LNPK: variants seen among roughly 807,000 people sequenced by gnomAD.
The protein encoded by LNPK is lunapark, ER junction formation factor, also known as endoplasmic reticulum junction formation protein lunapark.
In LNPK, 29 loss-of-function variants were observed where a neutral mutation model predicts 55.2. The ratio of observed to expected loss-of-function variants is 0.53; its 90% CI spans 0.39 to 0.72. The LOEUF (loss-of-function observed/expected upper bound fraction) is 0.72, where lower values mean the gene tolerates loss of function less well. LNPK is among the 30% of genes least tolerant of loss of function. The probability of loss-of-function intolerance (pLI) is 0.00; values close to 1 mark genes in which losing one functional copy is unlikely to be tolerated. For missense variants in LNPK, 467 were observed against 494.8 expected, an observed-to-expected ratio of 0.94 and a Z score of 0.53; for synonymous variants, 162 against 168.2, an observed-to-expected ratio of 0.96 and a Z score of 0.29.
chr2:175,939,835 C>G, intron 9 of LNPK, 178 bp from the exon 10 acceptor site: 1 of 483,858 alleles, frequency 2.1e-6, no homozygotes, highest in Non-Finnish European at 3.6e-6. Context: ...AAATACTGTA[C>G]TACAAAATAT....
intron 9 of LNPK, 90 bp downstream of exon 9, chr2:175,947,390 G>A: frequency 9.7e-7 from 1 of 1,028,198 alleles, no homozygotes; most frequent in Non-Finnish European, 1.5e-6. Context: ...CAAATGAAAT[G>A]CCATTTCCAT....
intron 6 of LNPK, among the ~76,000 whole-genome samples, chr2:175,968,455 T>G (rs1029185760): frequency 4.6e-5 from 7 of 152,182 alleles, no homozygotes; most frequent in African/African-American, 1.7e-4. Context: ...TTTTGAACTG[T>G]TTTGAAGGAA....
chr2:175,991,841 G>A (rs1166976904), intron 4 of LNPK, among the ~76,000 whole-genome samples: 2 of 152,124 alleles, frequency 1.3e-5, no homozygotes, highest in South Asian at 2.1e-4. Flanking sequence ...GCAGTAAAAC[G>A]AAGGGAAGAG....
chr2:175,993,199 G>T lies in LNPK; in HGVS notation c.52C>A (p.Leu18Ile). Residue 18 changes from leucine (L) to isoleucine (I), a missense_variant, in exon 3 of 13, where the codon CTA becomes ATA. Physicochemically the swap from Leu to Ile is conservative, Grantham distance 5. Coordinates refer to ENST00000272748, the MANE Select transcript of LNPK (RefSeq NM_030650.3). ...WRTKPSTVEV[L>I]ESIDKEIQAL... ...GAACATACCTTATCTATACTTTCTA[G>T]AACTTCTACAGTTGAAGGTTTTGTC... is the stretch of plus-strand genomic sequence containing the variant. 6.4e-7 allele frequency: 1 copy of T among 1,563,324 alleles called. No homozygotes were observed. The highest frequency in any genetic ancestry group is 8.7e-7 in the Non-Finnish European group (1 of 1,150,118).
chr2:175,962,751 A>G (rs1329920550), intron 8 of LNPK, among the ~76,000 whole-genome samples: 1 of 152,216 alleles, frequency 6.6e-6, no homozygotes, highest in Admixed American at 6.5e-5. Flanking sequence ...AGAAACTACC[A>G]TCAGACTGAA....
At chr2:175,974,145 T>C (rs1686780115) in intron 5 of LNPK, among the ~76,000 whole-genome samples, 1 of 152,210 alleles carries the variant, frequency 6.6e-6, no homozygotes, top group Non-Finnish European at 1.5e-5. Flanking sequence ...CAAATACATA[T>C]TGTACTCTTT....
intron 9 of LNPK, among the ~76,000 whole-genome samples, chr2:175,945,664 A>G (rs910566644): frequency 3.3e-5 from 5 of 152,186 alleles, no homozygotes; most frequent in Admixed American, 3.3e-4. Context: ...GCCAAATTAG[A>G]TTTGGAAAGC....
At chr2:175,995,069 G>A (rs535225819) in intron 2 of LNPK, among the ~76,000 whole-genome samples, 5 of 151,650 alleles carry the variant, frequency 3.3e-5, no homozygotes, top group African/African-American at 7.3e-5. Context: ...TTACAGGCGC[G>A]CAACACTACG....
intron 8 of LNPK, among the ~76,000 whole-genome samples, chr2:175,963,483 C>T (rs1686170640): frequency 6.6e-6 from 1 of 152,018 alleles, no homozygotes. Flanking sequence ...CATATTCTCA[C>T]TCATAGATGG....
chr2:175,945,510 GAAAAAAAAA>G (rs758611547), intron 9 of LNPK, among the ~76,000 whole-genome samples: 1 of 105,086 alleles, frequency 9.5e-6, no homozygotes, highest in African/African-American at 3.5e-5. Flanking sequence ...TGTCTCAAAA[GAAAAAAAAA>G]AAAAAAAAAA....
chr2:175,954,239 T>C (rs1685572585), intron 8 of LNPK, among the ~76,000 whole-genome samples: 1 of 152,210 alleles, frequency 6.6e-6, no homozygotes, highest in African/African-American at 2.4e-5. Context: ...GTACAGAGTA[T>C]GAGCTTAATA....
At chr2:175,935,979 C>A (rs527615050) in intron 12 of LNPK, among the ~76,000 whole-genome samples, 1 of 152,140 alleles carries the variant, frequency 6.6e-6, no homozygotes, top group Admixed American at 6.5e-5. Flanking sequence ...ATAAGCAGGG[C>A]TAGTCATGGA....
chr2:175,927,578 A>G lies in LNPK; in HGVS notation c.*2389T>C, dbSNP rs1454383483. On this transcript the variant is annotated 3_prime_UTR_variant, in exon 13 of 13. Transcript: ENST00000272748. ...ATGGCTACAGCACAATGATGGCGGG[A>G]AGACGGAGAGACAGAAGCTAGACCA... 1 of 152,190 alleles carries G rather than the reference A, an allele frequency of 6.6e-6. No homozygotes were observed. Among genetic ancestry groups the G allele is most frequent in the Non-Finnish European group, 1.5e-5 (1 of 68,042 alleles). The allele number at this position is 152,190 out of a possible 1,614,324, so 9.4% of individuals were successfully genotyped here.
chr2:175,970,102 A>C lies in LNPK; in HGVS notation c.357+662T>G, dbSNP rs142668334. Among the ~76,000 whole-genome samples, 418 of 152,350 alleles carry C rather than the reference A, an allele frequency of 2.7e-3. 4 individuals carry two copies. The highest frequency in any genetic ancestry group is 9.4e-3 in the African/African-American group (391 of 41,590). ...GTTATCATTTTCACACTTCAAAAAT[A>C]ATCATTAAAAAATTAGTAGCTCTAT... On this transcript the variant is annotated intron_variant, in intron 6 of 12. Transcript: ENST00000272748.
At chr2:175,957,307 G>A (rs896946259) in intron 8 of LNPK, among the ~76,000 whole-genome samples, 9 of 151,854 alleles carry the variant, frequency 5.9e-5, no homozygotes, top group South Asian at 4.2e-4. Context: ...GCAGCAAGCC[G>A]AGATCACGCC....
intron 12 of LNPK, among the ~76,000 whole-genome samples, chr2:175,931,642 T>G (rs1011514496): frequency 1.3e-5 from 2 of 152,170 alleles, no homozygotes; most frequent in African/African-American, 4.8e-5. Flanking sequence ...AATTAATTTG[T>G]GCCAAATCTC....
chr2:175,932,757 A>G (rs1259867867), intron 12 of LNPK, among the ~76,000 whole-genome samples: 1 of 152,210 alleles, frequency 6.6e-6, no homozygotes, highest in Non-Finnish European at 1.5e-5. Context: ...TGTGTTACAA[A>G]CATACTTTTT....
At chr2:175,987,880 T>C (rs936420330) in intron 4 of LNPK, among the ~76,000 whole-genome samples, 2 of 152,182 alleles carry the variant, frequency 1.3e-5, no homozygotes, top group African/African-American at 4.8e-5. Context: ...TACTTGGAAC[T>C]TCAATATAAT....
chr2:175,931,982 G>C, intron 12 of LNPK: 1 of 312,802 alleles, frequency 3.2e-6, no homozygotes, highest in Non-Finnish European at 6.4e-6. Flanking sequence ...TATTTACTTG[G>C]CAAGAACTTC....
Sources: allele counts gnomAD v4.1 joint callset (sites outside exome capture counted in the v4.1 genomes callset), GRCh38; gene constraint gnomAD v4.1.1; transcripts MANE v1.5; gene names NCBI Gene and HGNC (gene_info 2026-07-23, HGNC 2026-07-21).